Variants in LINC00632 observed in about 807,000 individuals in gnomAD.
The protein encoded by LINC00632 is long independently transcribed non-coding RNA 632.
rs745567334 is a variant in LINC00632 at position 140,735,638 on chromosome X, C to T, written n.191+1674C>T. Among the ~76,000 whole-genome samples the T allele has an allele frequency of 1.3e-4, 14 of 111,225 alleles. No homozygotes were observed. In the South Asian group the frequency reaches 5.3e-3, roughly 42 times the overall value. Reference sequence around the variant, plus strand: ...CTGGAGTGCAATGGCGCAATCTCGGCTCACTGCAACCTCTGCCTTCCGGGT... The same window carrying T: ...CTGGAGTGCAATGGCGCAATCTCGGTTCACTGCAACCTCTGCCTTCCGGGT... On this transcript the variant is annotated intron_variant and non_coding_transcript_variant, in intron 3 of 4. Coordinates refer to ENST00000648200, the Ensembl canonical transcript of LINC00632.
At chrX:140,783,499 C>T (rs989184875) in exon 5 of LINC00632, 2 of 976,328 alleles carry the variant, frequency 2.0e-6, no homozygotes, top group African/African-American at 3.8e-5. Context: ...GATCTTCCAG[C>T]TAATCCATGT....
chrX:140,744,067 G>C (rs1931283902), intron 3 of LINC00632, among the ~76,000 whole-genome samples: 1 of 111,509 alleles, frequency 9.0e-6, no homozygotes, highest in Non-Finnish European at 1.9e-5. Context: ...CAGAATGCAA[G>C]GGTAAGGTAG....
At chrX:140,751,027 G>A in intron 3 of LINC00632, among the ~76,000 whole-genome samples, 1 of 111,867 alleles carries the variant, frequency 8.9e-6, no homozygotes, top group East Asian at 2.8e-4. Flanking sequence ...ATTGGTTGAT[G>A]AAGACGTAGA....
chrX:140,738,140 C>T (rs1931171061), intron 3 of LINC00632, among the ~76,000 whole-genome samples: 3 of 111,399 alleles, frequency 2.7e-5, no homozygotes, highest in Non-Finnish European at 3.8e-5. Context: ...CAGTTGATGA[C>T]ACACGTTTGT....
intron 2 of LINC00632, among the ~76,000 whole-genome samples, chrX:140,724,293 A>G (rs1930858858): frequency 1.0e-5 from 1 of 97,943 alleles, no homozygotes; most frequent in African/African-American, 4.2e-5. Context: ...CACATTCCAT[A>G]CACACACACA....
intron 2 of LINC00632, among the ~76,000 whole-genome samples, chrX:140,715,138 C>T (rs1930601155): frequency 9.0e-6 from 1 of 111,687 alleles, no homozygotes; most frequent in Admixed American, 9.6e-5. Flanking sequence ...GGTATTCAGA[C>T]CCACCCTTTT....
chrX:140,748,831 C>CTATGATATATATATTTTATATA (rs1569352651), intron 3 of LINC00632, among the ~76,000 whole-genome samples: 1 of 99,699 alleles, frequency 1.0e-5, no homozygotes, highest in African/African-American at 3.6e-5. Flanking sequence ...TATATTTTAT[C>CTATGATATATATATTTTATATA]TATGATATAT....
intron 3 of LINC00632, among the ~76,000 whole-genome samples, chrX:140,762,320 C>T (rs771947630): frequency 9.9e-4 from 109 of 110,295 alleles, no homozygotes; most frequent in South Asian, 5.2e-3. Flanking sequence ...CTAGAAACCA[C>T]AGCAGGATTT....
At chrX:140,763,438 C>T (rs1291335940) in intron 3 of LINC00632, among the ~76,000 whole-genome samples, 2 of 108,170 alleles carry the variant, frequency 1.8e-5, no homozygotes, top group Non-Finnish European at 3.8e-5. Context: ...GTAGTTGGTG[C>T]ATTGTTCTTG....
chrX:140,757,420 G>T (rs1931511818), intron 3 of LINC00632, among the ~76,000 whole-genome samples: 1 of 111,506 alleles, frequency 9.0e-6, no homozygotes, highest in African/African-American at 3.3e-5. Context: ...AATGCTGTTT[G>T]TGGTGAGGAG....
rs982132469 is a variant in LINC00632, at chrX:140,778,690, T to A, written n.6709T>A. Among the ~76,000 whole-genome samples the A allele has an allele frequency of 6.3e-5, 7 of 111,436 alleles. No individual in the cohort carries two copies. The Middle Eastern group carries it at 0.014, about 223-fold the overall frequency. ...GAGATTACTACCTTGGCCATTTTTT[T>A]ATTTATTTTGACCAGAATTAGAGAA... On this transcript the variant is annotated non_coding_transcript_exon_variant, in exon 5 of 5. Coordinates refer to ENST00000648200, the Ensembl canonical transcript of LINC00632.
intron 2 of LINC00632, among the ~76,000 whole-genome samples, chrX:140,712,872 G>A (rs1930547492): frequency 9.2e-6 from 1 of 109,189 alleles, no homozygotes; most frequent in Non-Finnish European, 1.9e-5. Flanking sequence ...AAAAGGGCGG[G>A]GGGAGGATGG....
At chrX:140,790,733 A>G (rs1385644664) in exon 5 of LINC00632, among the ~76,000 whole-genome samples, 1 of 111,341 alleles carries the variant, frequency 9.0e-6, no homozygotes, top group East Asian at 2.8e-4. Flanking sequence ...ATATTAAAAG[A>G]ATTGTTAGGC....
chrX:140,790,312 A>AACTT (rs1012253550), exon 5 of LINC00632, among the ~76,000 whole-genome samples: 1 of 110,926 alleles, frequency 9.0e-6, no homozygotes, highest in East Asian at 2.8e-4. Flanking sequence ...AGTTTTTTTC[A>AACTT]ACTTACTTAT....
intron 3 of LINC00632, among the ~76,000 whole-genome samples, chrX:140,770,826 C>T (rs1177737903): frequency 3.6e-5 from 4 of 111,959 alleles, no homozygotes; most frequent in African/African-American, 1.3e-4. Context: ...TACTGTTGTT[C>T]ACTTGATATG....
intron 2 of LINC00632, among the ~76,000 whole-genome samples, chrX:140,729,361 G>A (rs1487146545): frequency 2.7e-5 from 3 of 109,855 alleles, no homozygotes; most frequent in Non-Finnish European, 5.7e-5. Context: ...TCATTCCTGA[G>A]GGACTACCAC....
chrX:140,777,260 A>G (rs777688499), exon 5 of LINC00632, among the ~76,000 whole-genome samples: 3 of 112,198 alleles, frequency 2.7e-5, no homozygotes, highest in Non-Finnish European at 5.6e-5. Flanking sequence ...ATACCTATGT[A>G]ACAAACCTGC....
intron 2 of LINC00632, among the ~76,000 whole-genome samples, chrX:140,730,908 CT>C (rs1162380829): frequency 3.1e-4 from 32 of 104,482 alleles, no homozygotes; most frequent in South Asian, 2.5e-3. Context: ...TTCTTTCTTT[CT>C]TTTTTTTTTT....
exon 5 of LINC00632, among the ~76,000 whole-genome samples, chrX:140,788,054 C>A (rs1166786475): frequency 1.8e-5 from 2 of 109,566 alleles, no homozygotes; most frequent in Admixed American, 2.0e-4. Flanking sequence ...GTAGGATATC[C>A]TTTTTATATT....
Sources: gnomAD v4.1 joint callset for allele counts (sites outside exome capture counted in the v4.1 genomes callset) on GRCh38, gnomAD v4.1.1 for gene constraint, MANE v1.5 for transcripts, NCBI Gene and HGNC (gene_info 2026-07-23, HGNC 2026-07-21) for gene names.